MYO7B: variants seen among roughly 807,000 people sequenced by gnomAD.
The protein encoded by MYO7B is myosin VIIB.
Under a neutral mutation model 259.7 loss-of-function variants are expected in MYO7B, and 212 were observed. That is an observed-to-expected ratio of 0.82 (90% CI 0.73 to 0.91). The LOEUF (loss-of-function observed/expected upper bound fraction) is 0.91. Ranked by LOEUF, MYO7B falls within the 40% of genes least tolerant of loss-of-function variation. MYO7B has a pLI of 0.00. For missense variants in MYO7B, 2,732 were observed against 2,813.5 expected, an observed-to-expected ratio of 0.97 and a Z score of 0.66; for synonymous variants, 1,197 against 1,166.4, an observed-to-expected ratio of 1.03 and a Z score of -0.54.
intron 1 of MYO7B, among the ~76,000 whole-genome samples, chr2:127,542,155 T>C (rs1693030578): frequency 1.3e-5 from 2 of 152,348 alleles, no homozygotes; most frequent in South Asian, 4.1e-4. Flanking sequence ...ATGCTATTCA[T>C]GGGAAGGGTA....
intron 14 of MYO7B, 26 bp from the exon 15 acceptor site, chr2:127,588,366 G>A (rs1201299952): frequency 1.2e-6 from 2 of 1,609,872 alleles, no homozygotes; most frequent in Non-Finnish European, 1.7e-6. Context: ...AAGCTGGGAT[G>A]CTGGGTGGGC....
Position 127,582,016 on chromosome 2 carries a change from G to C in MYO7B, c.1200+6G>C. 6.2e-7 allele frequency: 1 copy of C among 1,613,632 alleles called. No individual in the cohort carries two copies. The highest frequency in any genetic ancestry group is 8.5e-7 in the Non-Finnish European group (1 of 1,179,876). The stretch of plus-strand genomic sequence containing the variant: ...GGAGGGACGCCTTTGTCAAGGTACA[G>C]AGCTGAGAGAGCAGGGCTTACATGG... On this transcript the variant is annotated splice_donor_region_variant and intron_variant, in intron 11 of 47. Transcript: ENST00000409816.
chr2:127,552,600 C>T (rs1316764983), intron 1 of MYO7B, among the ~76,000 whole-genome samples: 1 of 152,124 alleles, frequency 6.6e-6, no homozygotes, highest in Non-Finnish European at 1.5e-5. Flanking sequence ...GCAGGACCAA[C>T]ATGGGGTCTC....
At chr2:127,635,396 C>A in intron 43 of MYO7B, 170 bp downstream of exon 43, 1 of 665,852 alleles carries the variant, frequency 1.5e-6, no homozygotes, top group Non-Finnish European at 2.6e-6. Flanking sequence ...GAGCAGAGGG[C>A]AGCAATGTTT....
intron 41 of MYO7B, 125 bp from the exon 42 acceptor site, chr2:127,634,471 C>A: frequency 2.2e-6 from 2 of 923,158 alleles, no homozygotes; most frequent in Non-Finnish European, 3.4e-6. Context: ...CGCCAATAGC[C>A]CACGCACAGC....
In MYO7B at chr2:127,579,004, T is replaced by TA. The variant is rs957764001; in HGVS notation, c.1003+729dup. 3.5e-3 allele frequency among the ~76,000 whole-genome samples: 514 copies of TA among 148,044 alleles called. 1 individual carries two copies. Among genetic ancestry groups the TA allele is most frequent in the Middle Eastern group, 0.017 (5 of 288 alleles). The stretch of plus-strand genomic sequence containing the variant: ...CCACATAGAAATTCCATTCTAAAAT[T>TA]AAAAAAAAAAATAACCAAAAGGAAG... On this transcript the variant is annotated intron_variant, in intron 9 of 47. Coordinates refer to ENST00000409816, the MANE Select transcript of MYO7B (RefSeq NM_001393586.1).
intron 26 of MYO7B, 51 bp downstream of exon 26, chr2:127,612,654 C>G: frequency 1.3e-6 from 2 of 1,591,964 alleles, no homozygotes; most frequent in Non-Finnish European, 1.7e-6. Context: ...GATGCCCTCA[C>G]TGGCTCTCAG....
chr2:127,568,528 C>T (rs1027142378), intron 5 of MYO7B, among the ~76,000 whole-genome samples: 2 of 152,202 alleles, frequency 1.3e-5, no homozygotes, highest in Non-Finnish European at 2.9e-5. Flanking sequence ...CCACAGCTAT[C>T]ACTGGAGGTT....
At chr2:127,580,432 C>G (rs1679054549) in intron 9 of MYO7B, among the ~76,000 whole-genome samples, 2 of 152,250 alleles carry the variant, frequency 1.3e-5, no homozygotes, top group African/African-American at 4.8e-5. Context: ...GTGCCAGTGT[C>G]TGCTGTGTTT....
chr2:127,607,669 G>A lies in MYO7B; in HGVS notation c.2643+245G>A, dbSNP rs564103957. ...ATGTAGCTATCACGAGAGACACACC[G>A]TCCTCCTCTCCCTATTCAAAGTCAG... On this transcript the variant is annotated intron_variant, in intron 21 of 47. Coordinates refer to ENST00000409816, the MANE Select transcript of MYO7B (RefSeq NM_001393586.1). The surrounding 1 kb of genome is among the most constrained non-coding windows in gnomAD (Gnocchi z 4.4). 7.9e-5 allele frequency among the ~76,000 whole-genome samples: 12 copies of A among 152,210 alleles called. No homozygotes were observed. The highest frequency in any genetic ancestry group is 5.8e-4 in the East Asian group (3 of 5,186).
chr2:127,612,612 C>G lies in MYO7B; in HGVS notation c.3398+9C>G, dbSNP rs1249167960. 4.3e-6 allele frequency: 7 copies of G among 1,609,386 alleles called. No homozygotes were observed. The highest frequency in any genetic ancestry group is 5.9e-6 in the Non-Finnish European group (7 of 1,178,648). On this transcript the variant is annotated intron_variant, in intron 26 of 47. Coordinates refer to ENST00000409816, the MANE Select transcript of MYO7B (RefSeq NM_001393586.1). The stretch of plus-strand genomic sequence containing the variant: ...CTGCGGCCCAGCCTCAGGTCAGTTC[C>G]CACTCCCATCCCGGCCCCATTCAGA...
rs547091074 is a variant in MYO7B at position 127,627,716 on chromosome 2, C to T, written c.4460+406C>T. 6.5e-6 allele frequency: 3 copies of T among 460,126 alleles called. No homozygotes were observed. Among genetic ancestry groups the T allele is most frequent in the South Asian group, 4.6e-5 (3 of 64,610 alleles). The allele number at this position is 460,126 out of a possible 1,614,324, so 28.5% of individuals were successfully genotyped here. Reference sequence around the variant, plus strand: ...GCCTGGTGTGTCCTGGGGCACAGGGCAGGGCTGGGGGTCCTCTTAGGCTGG... The same window carrying T: ...GCCTGGTGTGTCCTGGGGCACAGGGTAGGGCTGGGGGTCCTCTTAGGCTGG... On this transcript the variant is annotated intron_variant, in intron 33 of 47. Transcript: ENST00000409816. This position sits in a 1 kb window ranked among gnomAD's most constrained non-coding sequence, Gnocchi z 5.6.
intron 1 of MYO7B, among the ~76,000 whole-genome samples, chr2:127,548,543 G>T (rs372091283): frequency 1.3e-5 from 2 of 151,648 alleles, no homozygotes. Context: ...AGCCTCCTGA[G>T]TAGCTGGGAT....
chr2:127,566,693 G>A lies in MYO7B; in HGVS notation c.336G>A (p.Pro112=), dbSNP rs918044897. Residue 112 remains proline, a synonymous_variant, in exon 5 of 48, where the codon CCG becomes CCA. Transcript: ENST00000409816. ...LVAVNPFQVL[P]LYTLEQVQLY... ...CCGTCAACCCGTTCCAGGTGCTGCCGCTCTACACCCTGGAGCAGGTACAGC... is the reference window on the plus strand; with the variant it reads ...CCGTCAACCCGTTCCAGGTGCTGCCACTCTACACCCTGGAGCAGGTACAGC... 7.5e-6 allele frequency: 12 copies of A among 1,608,358 alleles called. No individual in the cohort carries two copies. Among genetic ancestry groups the A allele is most frequent in the Admixed American group, 6.8e-5 (4 of 59,248 alleles).
Position 127,615,994 on chromosome 2 carries a change from C to G in MYO7B, c.3398+3391C>G, listed in dbSNP as rs1345875093. On this transcript the variant is annotated intron_variant, in intron 26 of 47. Coordinates refer to ENST00000409816, the MANE Select transcript of MYO7B (RefSeq NM_001393586.1). The surrounding 1 kb of genome is among the most constrained non-coding windows in gnomAD (Gnocchi z 4.4). ...TTTCCTGTGAAAACACAAGCATACC[C>G]TCGTTCCCACAATAGTAAATCTCCT... Among the ~76,000 whole-genome samples, 2 of 152,220 alleles carry G rather than the reference C, an allele frequency of 1.3e-5. No individual in the cohort carries two copies. Among genetic ancestry groups the G allele is most frequent in the African/African-American group, 4.8e-5 (2 of 41,446 alleles).
chr2:127,551,381 C>T (rs1693437660), intron 1 of MYO7B, among the ~76,000 whole-genome samples: 5 of 152,166 alleles, frequency 3.3e-5, no homozygotes, highest in Non-Finnish European at 1.5e-5. Context: ...TAACTGGGGC[C>T]CTCAGTTCTC....
intron 1 of MYO7B, among the ~76,000 whole-genome samples, chr2:127,543,240 G>A (rs1433710599): frequency 6.6e-6 from 1 of 152,170 alleles, no homozygotes; most frequent in East Asian, 1.9e-4. Flanking sequence ...AGAGGTCTCT[G>A]CTGACTTCCA....
intron 1 of MYO7B, among the ~76,000 whole-genome samples, chr2:127,554,754 C>T (rs191462343): frequency 1.3e-5 from 2 of 152,062 alleles, no homozygotes; most frequent in East Asian, 3.9e-4. Flanking sequence ...CCATGTCAGT[C>T]TTGCTGCTTA....
At chr2:127,601,633 A>C (rs1346445533) in intron 19 of MYO7B, among the ~76,000 whole-genome samples, 2 of 152,128 alleles carry the variant, frequency 1.3e-5, no homozygotes, top group African/African-American at 4.8e-5. Context: ...TGTTTTGATT[A>C]CTATTTACAT....
Sources: gnomAD v4.1 joint callset for allele counts (sites outside exome capture counted in the v4.1 genomes callset) on GRCh38, gnomAD v4.1.1 for gene constraint, Gnocchi (gnomAD v3.1) non-coding constraint, MANE v1.5 for transcripts, NCBI Gene and HGNC (gene_info 2026-07-23, HGNC 2026-07-21) for gene names.